Variants in NYAP2 observed in about 807,000 individuals in gnomAD.
NYAP2 encodes neuronal tyrosine-phosphorylated phosphoinositide-3-kinase adapter 2.
A neutral mutation model predicts 50.4 loss-of-function variants in NYAP2; 23 were observed. The observed-to-expected ratio is 0.46, with a 90% CI of 0.33 to 0.65. The LOEUF (loss-of-function observed/expected upper bound fraction) is 0.65, where lower values mean the gene tolerates loss of function less well. Ranked by LOEUF, NYAP2 falls within the 30% of genes least tolerant of loss-of-function variation. The probability of loss-of-function intolerance (pLI) is 0.02; values close to 1 mark genes in which losing one functional copy is unlikely to be tolerated. For synonymous variants in NYAP2, 394 were observed against 365.2 expected (o/e 1.08, Z -0.90); for missense variants, 885 against 861.0 (o/e 1.03, Z -0.35).
intron 3 of NYAP2, among the ~76,000 whole-genome samples, chr2:225,461,079 T>C (rs966916770): frequency 6.6e-6 from 1 of 151,020 alleles, no homozygotes; most frequent in Non-Finnish European, 1.5e-5. Context: ...GGATTGTTCA[T>C]AAACTCTACC....
the NYAP2 span, among the ~76,000 whole-genome samples, chr2:225,668,209 C>CT: frequency 2.0e-5 from 3 of 152,228 alleles, no homozygotes; most frequent in South Asian, 2.1e-4. Flanking sequence ...AACGATTTTG[C>CT]TTTTTTTCCA....
chr2:225,553,160 G>A (rs767523545), intron 4 of NYAP2, among the ~76,000 whole-genome samples: 7 of 152,342 alleles, frequency 4.6e-5, no homozygotes, highest in Admixed American at 2.6e-4. Flanking sequence ...CCTGCCTGGC[G>A]GCGGCTGCTA....
At chr2:225,632,951 T>C (rs1035921771) in intron 6 of NYAP2, among the ~76,000 whole-genome samples, 2 of 152,244 alleles carry the variant, frequency 1.3e-5, no homozygotes, top group Non-Finnish European at 2.9e-5. Flanking sequence ...TATTATCTAC[T>C]GCTTACTATA....
chr2:225,689,533 CA>C, the NYAP2 span, among the ~76,000 whole-genome samples: 1 of 152,010 alleles, frequency 6.6e-6, no homozygotes, highest in South Asian at 2.1e-4. Flanking sequence ...ATTTTGCATT[CA>C]AAAGCAACTC....
At chr2:225,687,308 A>G in the NYAP2 span, among the ~76,000 whole-genome samples, 3 of 152,146 alleles carry the variant, frequency 2.0e-5, no homozygotes, top group Admixed American at 6.6e-5. Flanking sequence ...GCAATAAATC[A>G]TGGTTGTTGG....
intron 3 of NYAP2, among the ~76,000 whole-genome samples, chr2:225,410,842 A>C (rs992066752): frequency 4.6e-5 from 7 of 152,156 alleles, no homozygotes; most frequent in Non-Finnish European, 1.5e-5. Context: ...ACTAAAGTCC[A>C]AGGGACTTAG....
chr2:225,449,611 T>G (rs1689617196), intron 3 of NYAP2, among the ~76,000 whole-genome samples: 1 of 144,138 alleles, frequency 6.9e-6, no homozygotes, highest in Non-Finnish European at 1.5e-5. Flanking sequence ...CTTTTTTTTT[T>G]TTTTTTTTTT....
intron 4 of NYAP2, among the ~76,000 whole-genome samples, chr2:225,561,206 G>A (rs996791466): frequency 6.6e-6 from 1 of 152,054 alleles, no homozygotes; most frequent in African/African-American, 2.4e-5. Flanking sequence ...TTTGAATAAG[G>A]TGGTCATGAG....
At chr2:225,564,578 A>C (rs1248253798) in intron 4 of NYAP2, among the ~76,000 whole-genome samples, 1 of 151,994 alleles carries the variant, frequency 6.6e-6, no homozygotes, top group South Asian at 2.1e-4. Flanking sequence ...AATTGTGCAC[A>C]AACAAAAAAA....
chr2:225,436,092 C>A (rs1689371246), intron 3 of NYAP2, among the ~76,000 whole-genome samples: 1 of 152,186 alleles, frequency 6.6e-6, no homozygotes, highest in Non-Finnish European at 1.5e-5. Context: ...TCCAGTCTAG[C>A]CCCTACACAC....
At chr2:225,625,047 A>AAT (rs1419617235) in intron 5 of NYAP2, among the ~76,000 whole-genome samples, 5 of 147,710 alleles carry the variant, frequency 3.4e-5, no homozygotes, top group Admixed American at 1.3e-4. Context: ...CAAGCGTAAA[A>AAT]AAAAAAAAAA....
intron 3 of NYAP2, among the ~76,000 whole-genome samples, chr2:225,467,097 T>G (rs906600612): frequency 1.5e-4 from 23 of 152,184 alleles, no homozygotes; most frequent in Admixed American, 1.0e-3. Flanking sequence ...GTGGGCTGTC[T>G]GCCTGCGCAG....
At chr2:225,697,794 G>A in the NYAP2 span, among the ~76,000 whole-genome samples, 7 of 151,960 alleles carry the variant, frequency 4.6e-5, no homozygotes, top group African/African-American at 1.2e-4. Flanking sequence ...TAAATATCGC[G>A]ATGTTTACTA....
intron 4 of NYAP2, among the ~76,000 whole-genome samples, chr2:225,529,942 C>T (rs1231078570): frequency 6.6e-6 from 1 of 151,126 alleles, no homozygotes; most frequent in Non-Finnish European, 1.5e-5. Context: ...CTTCTGACCT[C>T]GTGATCCACC....
the NYAP2 span, chr2:225,699,283 T>C: frequency 6.6e-6 from 1 of 151,946 alleles, no homozygotes; most frequent in Non-Finnish European, 1.5e-5. Context: ...TAGGATATAT[T>C]GGACATCCCA....
intron 5 of NYAP2, among the ~76,000 whole-genome samples, chr2:225,615,638 C>A (rs914007560): frequency 1.3e-5 from 2 of 152,118 alleles, no homozygotes; most frequent in Admixed American, 6.5e-5. Flanking sequence ...GGTGTAGGTA[C>A]TCCCGATGCA....
At chr2:225,623,502 T>G (rs541804223) in intron 5 of NYAP2, among the ~76,000 whole-genome samples, 1 of 152,236 alleles carries the variant, frequency 6.6e-6, no homozygotes, top group Admixed American at 6.5e-5. Context: ...TTTTTTTATG[T>G]AAAAGTAACG....
intron 6 of NYAP2, among the ~76,000 whole-genome samples, chr2:225,640,005 G>GGT (rs1693499028): frequency 6.6e-6 from 1 of 152,122 alleles, no homozygotes; most frequent in Admixed American, 6.6e-5. Context: ...CAAGGGTGAG[G>GGT]GTGAGCCAGC....
At chr2:225,413,937 A>G (rs1365482596) in intron 3 of NYAP2, among the ~76,000 whole-genome samples, 1 of 152,214 alleles carries the variant, frequency 6.6e-6, no homozygotes, top group Non-Finnish European at 1.5e-5. Flanking sequence ...AATTTCAGAA[A>G]CGTGCAGACT....
Sources: gnomAD v4.1 joint callset for allele counts (sites outside exome capture counted in the v4.1 genomes callset) on GRCh38, gnomAD v4.1.1 for gene constraint, MANE v1.5 for transcripts, NCBI Gene and HGNC (gene_info 2026-07-23, HGNC 2026-07-21) for gene names.